DCC: variants seen among roughly 807,000 people sequenced by gnomAD.
DCC encodes DCC netrin 1 receptor.
In DCC, 58 loss-of-function variants were observed where a neutral mutation model predicts 172.5. That is an observed-to-expected ratio of 0.34 (90% CI 0.27 to 0.42). DCC has a LOEUF of 0.42. Ranked by LOEUF, DCC falls within the 10% of genes least tolerant of loss-of-function variation. The pLI is 1.00. For missense variants in DCC, 1,740 were observed against 1,791.0 expected (o/e 0.97, Z 0.51); for synonymous variants, 709 against 644.5 (o/e 1.10, Z -1.52).
chr18:52,980,911 C>T (rs2041198693), intron 5 of DCC, among the ~76,000 whole-genome samples: 1 of 149,928 alleles, frequency 6.7e-6, no homozygotes, highest in Admixed American at 6.7e-5. Context: ...AGTCACAAAC[C>T]TTCTAATTGT....
intron 2 of DCC, among the ~76,000 whole-genome samples, chr18:52,872,687 A>G (rs566986837): frequency 2.8e-4 from 42 of 152,342 alleles, no homozygotes; most frequent in African/African-American, 9.1e-4. Flanking sequence ...TGATAAAGTA[A>G]GAACCCTCAA....
chr18:53,359,150 G>C (rs1448435258), intron 15 of DCC, among the ~76,000 whole-genome samples: 3 of 152,130 alleles, frequency 2.0e-5, no homozygotes, highest in Admixed American at 6.6e-5. Context: ...GTTCATATAA[G>C]AGAGTTGCAG....
At chr18:52,491,150 T>C (rs1933977989) in intron 1 of DCC, among the ~76,000 whole-genome samples, 1 of 152,066 alleles carries the variant, frequency 6.6e-6, no homozygotes, top group Non-Finnish European at 1.5e-5. Flanking sequence ...TTTTTCCTCT[T>C]TTCTCTTTAT....
At chr18:52,688,777 T>C (rs2035882669) in intron 1 of DCC, among the ~76,000 whole-genome samples, 1 of 152,096 alleles carries the variant, frequency 6.6e-6, no homozygotes, top group Non-Finnish European at 1.5e-5. Context: ...CAATTAAAAG[T>C]TATTTAAAAT....
intron 12 of DCC, among the ~76,000 whole-genome samples, chr18:53,255,610 A>G (rs2056498000): frequency 6.6e-6 from 1 of 151,892 alleles, no homozygotes; most frequent in Non-Finnish European, 1.5e-5. Flanking sequence ...AATCCAGTCT[A>G]TCATGGTTGG....
chr18:52,947,559 G>T (rs1456024855), intron 5 of DCC, among the ~76,000 whole-genome samples: 1 of 152,318 alleles, frequency 6.6e-6, no homozygotes, highest in South Asian at 2.1e-4. Context: ...CTGCGAAGGT[G>T]TAACTACACG....
At chr18:53,472,857 C>G (rs577607966) in intron 25 of DCC, among the ~76,000 whole-genome samples, 1 of 152,252 alleles carries the variant, frequency 6.6e-6, no homozygotes, top group African/African-American at 2.4e-5. Flanking sequence ...ACAAAACAAA[C>G]CAAACAAATT....
chr18:52,375,387 A>G (rs1386292684), intron 1 of DCC, among the ~76,000 whole-genome samples: 1 of 152,194 alleles, frequency 6.6e-6, no homozygotes, highest in Non-Finnish European at 1.5e-5. Flanking sequence ...GCTCTATAAT[A>G]TTTTATTAGT....
intron 1 of DCC, among the ~76,000 whole-genome samples, chr18:52,567,247 C>G (rs990808147): frequency 2.6e-5 from 4 of 151,766 alleles, no homozygotes; most frequent in Non-Finnish European, 5.9e-5. Context: ...TATGGTCATT[C>G]AAATATTCAT....
chr18:53,295,070 A>G (rs1189292976), intron 12 of DCC, among the ~76,000 whole-genome samples: 1 of 152,106 alleles, frequency 6.6e-6, no homozygotes, highest in African/African-American at 2.4e-5. Flanking sequence ...ATATTACCCA[A>G]CGTGTACTTA....
intron 1 of DCC, among the ~76,000 whole-genome samples, chr18:52,482,135 C>T (rs2029988425): frequency 6.6e-6 from 1 of 152,116 alleles, no homozygotes; most frequent in South Asian, 2.1e-4. Context: ...CCCAGCTGCA[C>T]ACCACACAAA....
chr18:53,088,852 A>G (rs1410706205), intron 7 of DCC, among the ~76,000 whole-genome samples: 2 of 152,196 alleles, frequency 1.3e-5, no homozygotes, highest in African/African-American at 4.8e-5. Context: ...GTTAATGATC[A>G]TATAGTTCTC....
intron 1 of DCC, among the ~76,000 whole-genome samples, chr18:52,568,086 G>T (rs1235560825): frequency 6.6e-6 from 1 of 152,034 alleles, no homozygotes; most frequent in Non-Finnish European, 1.5e-5. Context: ...AGTACTTGGG[G>T]GGTGCACTGA....
intron 2 of DCC, among the ~76,000 whole-genome samples, chr18:52,783,171 A>G (rs1048365766): frequency 6.6e-6 from 1 of 152,044 alleles, no homozygotes; most frequent in Non-Finnish European, 1.5e-5. Flanking sequence ...AAGAAATTCA[A>G]TTTATATAAG....
intron 1 of DCC, among the ~76,000 whole-genome samples, chr18:52,522,463 C>T (rs1341899569): frequency 2.0e-5 from 3 of 152,184 alleles, no homozygotes; most frequent in African/African-American, 7.2e-5. Context: ...TCCCGAAAAT[C>T]TCTCCTTTTT....
chr18:53,001,774 G>T (rs929443897), intron 5 of DCC, among the ~76,000 whole-genome samples: 4 of 151,746 alleles, frequency 2.6e-5, no homozygotes, highest in Admixed American at 1.3e-4. Flanking sequence ...TTTTTCTTTG[G>T]TTATGTTTTC....
At chr18:53,056,979 TACTA>T (rs1389506220) in intron 5 of DCC, among the ~76,000 whole-genome samples, 1 of 148,596 alleles carries the variant, frequency 6.7e-6, no homozygotes, top group Admixed American at 6.9e-5. Flanking sequence ...ATGCAGAGAA[TACTA>T]TATATATTAC....
chr18:53,025,658 A>T lies in DCC; in HGVS notation c.986-37647A>T, dbSNP rs370202391. Among the ~76,000 whole-genome samples the T allele has an allele frequency of 4.6e-5, 7 of 152,188 alleles. 1 individual carries two copies. The highest frequency in any genetic ancestry group is 1.2e-4 in the African/African-American group (5 of 41,542). ...GTTTTACCCAAAAGTTATATTTATC[A>T]TGCTTTGCCTAGCATGTTGGATGGA... On this transcript the variant is annotated intron_variant, in intron 5 of 28. Transcript: ENST00000442544.
intron 1 of DCC, among the ~76,000 whole-genome samples, chr18:52,688,829 CT>C (rs2035883262): frequency 6.6e-6 from 1 of 151,982 alleles, no homozygotes; most frequent in Non-Finnish European, 1.5e-5. Context: ...AACAGTAGCT[CT>C]TTTTTGTAGT....
Sources: gnomAD v4.1 joint callset for allele counts (sites outside exome capture counted in the v4.1 genomes callset) on GRCh38, gnomAD v4.1.1 for gene constraint, MANE v1.5 for transcripts, NCBI Gene and HGNC (gene_info 2026-07-23, HGNC 2026-07-21) for gene names.